TRIO: variants seen among roughly 807,000 people sequenced by gnomAD.
The protein encoded by TRIO is trio Rho guanine nucleotide exchange factor.
A neutral mutation model predicts 351.9 loss-of-function variants in TRIO; 58 were observed. The observed-to-expected ratio is 0.16, with a 90% CI of 0.13 to 0.21. The LOEUF (loss-of-function observed/expected upper bound fraction) is 0.21, where lower values mean the gene tolerates loss of function less well. Among genes scored for constraint, TRIO ranks in the 10% least tolerant of loss-of-function variants. The probability of loss-of-function intolerance (pLI) is 1.00; values close to 1 mark genes in which losing one functional copy is unlikely to be tolerated. For missense variants in TRIO, 3,201 were observed against 4,027.8 expected, an observed-to-expected ratio of 0.79 and a Z score of 5.56; for synonymous variants, 1,758 against 1,595.7, an observed-to-expected ratio of 1.10 and a Z score of -2.42.
chr5:14,505,036 G>A (rs1220430298), intron 55 of TRIO, among the ~76,000 whole-genome samples: 1 of 152,234 alleles, frequency 6.6e-6, no homozygotes, highest in Non-Finnish European at 1.5e-5. Flanking sequence ...CAGTTGGATG[G>A]GAGGGTAAGA....
At chr5:14,348,851 A>AGG (rs1742712684) in intron 11 of TRIO, among the ~76,000 whole-genome samples, 1 of 142,838 alleles carries the variant, frequency 7.0e-6, no homozygotes. Flanking sequence ...GCACGTGAGC[A>AGG]TGTTTTTCCT....
intron 9 of TRIO, among the ~76,000 whole-genome samples, chr5:14,324,395 T>G (rs1230523470): frequency 6.6e-6 from 1 of 152,254 alleles, no homozygotes; most frequent in Non-Finnish European, 1.5e-5. Flanking sequence ...TAATTCATTA[T>G]GTATTGTATC....
intron 11 of TRIO, among the ~76,000 whole-genome samples, chr5:14,340,212 C>T (rs960167716): frequency 2.6e-5 from 4 of 151,824 alleles, no homozygotes; most frequent in African/African-American, 7.3e-5. Flanking sequence ...GGCTAACACA[C>T]GGTGAAACCC....
intron 1 of TRIO, among the ~76,000 whole-genome samples, chr5:14,184,986 C>A (rs1010576031): frequency 6.6e-6 from 1 of 152,154 alleles, no homozygotes; most frequent in African/African-American, 2.4e-5. Flanking sequence ...GTCACCAATA[C>A]CTCCTTATTC....
At position 14,297,079 on chromosome 5, in the gene TRIO, A is replaced by G. The variant is rs1317606169; in HGVS notation, c.1184A>G (p.Tyr395Cys). The G allele has an allele frequency of 1.2e-6, 2 of 1,610,340 alleles. No individual in the cohort carries two copies. The highest frequency in any genetic ancestry group is 3.3e-5 in the Admixed American group (2 of 59,958). The part of the protein sequence containing the change: ...NHFAMNCMNV[Y>C]VNINRIMSVA... ...TTCCTGCCCACTTTCCAGAACGTGT[A>G]TGTAAATATAAACCGCATCATGTCG... The change falls in exon 7 of 57, where the codon TAT (tyrosine) becomes TGT (cysteine). Residue 395 changes from tyrosine to cysteine, a missense_variant. Around this residue, in one of 19 missense-constraint regions of TRIO, gnomAD observed 349 missense variants for 449.3 expected, o/e 0.78. Transcript: ENST00000344204.
intron 13 of TRIO, among the ~76,000 whole-genome samples, chr5:14,361,265 A>G (rs907052719): frequency 6.6e-6 from 1 of 152,228 alleles, no homozygotes; most frequent in Non-Finnish European, 1.5e-5. Flanking sequence ...AAGTATATGA[A>G]AGTACTTCCG....
At chr5:14,326,816 A>G (rs1015369196) in intron 9 of TRIO, among the ~76,000 whole-genome samples, 1 of 152,196 alleles carries the variant, frequency 6.6e-6, no homozygotes, top group Non-Finnish European at 1.5e-5. Context: ...TAGACCAGGT[A>G]TATTGACTCA....
At chr5:14,367,556 GCC>G in intron 16 of TRIO, among the ~76,000 whole-genome samples, 1 of 152,272 alleles carries the variant, frequency 6.6e-6, no homozygotes, top group Middle Eastern at 3.4e-3. Flanking sequence ...AATGACTCAG[GCC>G]AATTCCAGGC....
chr5:14,487,744 C>T lies in TRIO; in HGVS notation c.7116C>T (p.Pro2372=), dbSNP rs1309042042. Residue 2372 remains proline, a synonymous_variant, in exon 48 of 57, where the codon CCC becomes CCT. Coordinates refer to ENST00000344204, the MANE Select transcript of TRIO (RefSeq NM_007118.4). ...EADKMSGTST[P]GPSLPPPGAA... is the part of the protein sequence containing the mutation. The stretch of plus-strand genomic sequence containing the variant: ...ACAAGATGTCAGGTACGTCCACCCC[C>T]GGGCCCTCCCTGCCTCCCCCTGGCG... The T allele has an allele frequency of 4.3e-6, 6 of 1,407,294 alleles. No homozygotes were observed. The highest frequency in any genetic ancestry group is 4.7e-6 in the Non-Finnish European group (5 of 1,074,852). 87.2% of individuals were successfully genotyped at this position (1,407,294 alleles called of 1,614,324 possible).
At chr5:14,334,867 G>C (rs1205748118) in intron 10 of TRIO, among the ~76,000 whole-genome samples, 1 of 152,242 alleles carries the variant, frequency 6.6e-6, no homozygotes, top group African/African-American at 2.4e-5. Flanking sequence ...CAGCAGAGCC[G>C]TTGGTGCTCA....
At chr5:14,505,676 C>T (rs1757623792) in intron 55 of TRIO, among the ~76,000 whole-genome samples, 1 of 152,176 alleles carries the variant, frequency 6.6e-6, no homozygotes, top group Non-Finnish European at 1.5e-5. Flanking sequence ...AAGGCTGCCA[C>T]AGCGTCCCAC....
intron 1 of TRIO, among the ~76,000 whole-genome samples, chr5:14,264,115 ACAT>A (rs1410969772): frequency 1.3e-5 from 2 of 152,356 alleles, no homozygotes; most frequent in South Asian, 2.1e-4. Flanking sequence ...CATAATTAAA[ACAT>A]CAAACCTTAA....
chr5:14,349,785 A>C (rs1742876380), intron 11 of TRIO, among the ~76,000 whole-genome samples: 1 of 152,190 alleles, frequency 6.6e-6, no homozygotes, highest in Admixed American at 6.5e-5. Flanking sequence ...AGATAAACTC[A>C]TGTCACAGGG....
chr5:14,287,157 A>G (rs894370784), intron 4 of TRIO, 94 bp downstream of exon 4: 25 of 1,236,996 alleles, frequency 2.0e-5, no homozygotes, highest in Non-Finnish European at 2.7e-5. Context: ...TTTAAACCAC[A>G]TATTAAACAG....
At chr5:14,495,565 T>C (rs2126671788) in intron 49 of TRIO, among the ~76,000 whole-genome samples, 1 of 143,314 alleles carries the variant, frequency 7.0e-6, no homozygotes, top group Middle Eastern at 4.0e-3. Flanking sequence ...CTCATGCCTG[T>C]AATCCCAGAA....
chr5:14,403,954 G>A (rs1229189175), intron 31 of TRIO, among the ~76,000 whole-genome samples: 1 of 148,246 alleles, frequency 6.7e-6, no homozygotes, highest in Non-Finnish European at 1.5e-5. Flanking sequence ...TTGTGAGGGT[G>A]TAGGTTGTGG....
At chr5:14,487,384 G>A in intron 47 of TRIO, 80 bp from the exon 48 acceptor site, 1 of 1,074,728 alleles carries the variant, frequency 9.3e-7, no homozygotes, top group Non-Finnish European at 1.1e-6. Flanking sequence ...CCCATCCCAG[G>A]GTGGGCCCTG....
At chr5:14,292,146 A>G (rs1177391927) in intron 5 of TRIO, among the ~76,000 whole-genome samples, 3 of 152,262 alleles carry the variant, frequency 2.0e-5, no homozygotes, top group Admixed American at 2.0e-4. Context: ...ACAGGAGAAT[A>G]TTTTGTAAAG....
Position 14,364,660 on chromosome 5 carries a change from G to A in TRIO, c.2598G>A (p.Leu866=). The change falls in exon 15 of 57, where the codon CTG becomes CTA. Residue 866 remains leucine, a synonymous_variant. Transcript: ENST00000344204. ...CTTTAATGTCCACAGGTGTGGAGCT[G>A]CTGTGTGATAGAGATGTAGACATGG... is the stretch of plus-strand genomic sequence containing the variant. The part of the protein sequence containing the change: ...VNEVQASGVE[L]LCDRDVDMAT... 2 of 1,613,570 alleles carry A rather than the reference G, an allele frequency of 1.2e-6. No individual in the cohort carries two copies. The highest frequency in any genetic ancestry group is 1.7e-5 in the Admixed American group (1 of 59,944).
Sources: gnomAD v4.1 joint callset for allele counts (sites outside exome capture counted in the v4.1 genomes callset) on GRCh38, gnomAD v4.1.1 for gene constraint, gnomAD v4.1.1 regional missense constraint, MANE v1.5 for transcripts, NCBI Gene and HGNC (gene_info 2026-07-23, HGNC 2026-07-21) for gene names.